Variants in CEP192 observed in about 807,000 individuals in gnomAD.
CEP192 encodes the protein centrosomal protein of 192 kDa.
Under a neutral mutation model 271.8 loss-of-function variants are expected in CEP192, and 151 were observed. The ratio of observed to expected loss-of-function variants is 0.56; its 90% confidence interval spans 0.49 to 0.64. The LOEUF is 0.64. CEP192 is among the 30% of genes least tolerant of loss of function. CEP192 has a pLI of 0.00. For synonymous variants in CEP192, 995 were observed against 1,076.5 expected (o/e 0.92, Z 1.48); for missense variants, 2,910 against 3,020.5 (o/e 0.96, Z 0.86).
chr18:13,089,441 A>C lies in CEP192; in HGVS notation c.5994-15A>C. Reference sequence around the variant, plus strand: ...ACGTCACTTTTAAATAATAAAAAAAAATCTCTCCTGGCAGGGCCCTGTTAC... The same window carrying C: ...ACGTCACTTTTAAATAATAAAAAAACATCTCTCCTGGCAGGGCCCTGTTAC... On this transcript the variant is annotated splice_polypyrimidine_tract_variant and intron_variant, in intron 32 of 44. Transcript: ENST00000506447. 7.5e-7 allele frequency: 1 copy of C among 1,332,232 alleles called. No individual in the cohort carries two copies. Among genetic ancestry groups the C allele is most frequent in the Non-Finnish European group, 1.0e-6 (1 of 959,440 alleles). 82.5% of individuals were successfully genotyped at this position (1,332,232 alleles called of 1,614,324 possible). A position where few individuals can be genotyped will look rare whatever the true frequency, so the allele number is the denominator to read the frequency against.
chr18:13,057,914 G>T, intron 20 of CEP192, 181 bp downstream of exon 20: 1 of 400,758 alleles, frequency 2.5e-6, no homozygotes, highest in Non-Finnish European at 4.3e-6. Flanking sequence ...AAGTGAAACA[G>T]TTTTGCATTT....
chr18:13,042,447 T>C (rs2036261379), intron 15 of CEP192, 113 bp downstream of exon 15: 1 of 1,119,490 alleles, frequency 8.9e-7, no homozygotes, highest in African/African-American at 1.6e-5. Flanking sequence ...TTTTCTTTCC[T>C]GGCTTCAGAT....
chr18:13,061,758 G>A (rs1458670179), intron 21 of CEP192, among the ~76,000 whole-genome samples: 2 of 152,058 alleles, frequency 1.3e-5, no homozygotes, highest in East Asian at 3.8e-4. Context: ...TTTGAGGGTG[G>A]GAAAGGCTGT....
chr18:13,064,656 G>C (rs1338634385), intron 21 of CEP192, among the ~76,000 whole-genome samples: 1 of 150,458 alleles, frequency 6.6e-6, no homozygotes, highest in East Asian at 2.0e-4. Context: ...GTGTGGATTT[G>C]TGTTTGGGTC....
chr18:13,103,725 C>G, intron 39 of CEP192, 137 bp downstream of exon 39: 1 of 757,944 alleles, frequency 1.3e-6, no homozygotes, highest in East Asian at 2.7e-5. Context: ...AAGTCTTGCT[C>G]TGTCGCCCAG....
At chr18:13,112,215 G>A (rs78494451) in intron 40 of CEP192, among the ~76,000 whole-genome samples, 3,098 of 152,288 alleles carry the variant, frequency 0.02, 40 homozygotes, top group Non-Finnish European at 0.03. Flanking sequence ...AAAAAAGTGG[G>A]AATCACCCAA....
At chr18:13,091,260 G>A (rs1006459234) in intron 33 of CEP192, among the ~76,000 whole-genome samples, 9 of 152,196 alleles carry the variant, frequency 5.9e-5, no homozygotes, top group African/African-American at 1.7e-4. Context: ...ATTGTATTAA[G>A]AGTTGTGTTG....
intron 1 of CEP192, among the ~76,000 whole-genome samples, chr18:12,998,930 G>T (rs9783859): frequency 0.7 from 107,070 of 152,014 alleles, 38,895 homozygotes; most frequent in African/African-American, 0.89. Context: ...ACTGAAAATT[G>T]TTCTTTGAAT....
At chr18:13,070,386 A>G (rs2037949023) in intron 27 of CEP192, among the ~76,000 whole-genome samples, 1 of 152,222 alleles carries the variant, frequency 6.6e-6, no homozygotes, top group Non-Finnish European at 1.5e-5. Flanking sequence ...ACTATTTTCA[A>G]GTATATTCTG....
intron 15 of CEP192, among the ~76,000 whole-genome samples, chr18:13,045,589 A>C (rs2036432982): frequency 6.6e-6 from 1 of 152,212 alleles, no homozygotes; most frequent in African/African-American, 2.4e-5. Context: ...CTGCATTCTT[A>C]AAATTATTGT....
At chr18:13,080,036 T>C (rs1383656891) in intron 30 of CEP192, among the ~76,000 whole-genome samples, 1 of 152,210 alleles carries the variant, frequency 6.6e-6, no homozygotes, top group Non-Finnish European at 1.5e-5. Flanking sequence ...TTGGTTACTG[T>C]AGGCTTGTAG....
chr18:13,096,370 G>C (rs2039400360), intron 36 of CEP192, 63 bp downstream of exon 36: 1 of 1,578,630 alleles, frequency 6.3e-7, no homozygotes. Flanking sequence ...ACTTTCTAAA[G>C]ATCAAATAAT....
chr18:13,092,549 C>G (rs1287635555), intron 34 of CEP192, 22 bp downstream of exon 34: 19 of 1,556,614 alleles, frequency 1.2e-5, no homozygotes, highest in Non-Finnish European at 1.7e-5. Context: ...GAACAGAAAT[C>G]TTTCACCAGA....
At chr18:13,034,624 G>A (rs2035814490) in intron 11 of CEP192, among the ~76,000 whole-genome samples, 1 of 151,508 alleles carries the variant, frequency 6.6e-6, no homozygotes, top group African/African-American at 2.4e-5. Context: ...TGGCTAACAT[G>A]GTGAAACCCT....
In CEP192 at chr18:13,042,313, G is replaced by A. The variant is rs754035664; in HGVS notation, c.2046G>A (p.Thr682=). Residue 682 remains threonine (T), a synonymous_variant, in exon 15 of 45, where the codon ACG becomes ACA. Transcript: ENST00000506447. The part of the protein sequence containing the change: ...SQVDENDVTL[T]ADKGKTEDTF... ...TGGATGAAAATGATGTGACGTTAAC[G>A]GCTGATAAAGGCAAAACAGAGGTAG... 7 of 1,613,818 alleles carry A rather than the reference G, an allele frequency of 4.3e-6. No homozygotes were observed. The highest frequency in any genetic ancestry group is 2.2e-5 in the East Asian group (1 of 44,870).
rs1313152126 is a variant in CEP192 at position 13,068,160 on chromosome 18, C to A, written c.4681C>A (p.Pro1561Thr). The change falls in exon 23 of 45, where the codon CCT becomes ACT. Residue 1561 changes from proline (P) to threonine (T), a missense_variant. Pro to Thr is a conservative substitution (Grantham distance 38, BLOSUM62 -1). Coordinates refer to ENST00000506447, the MANE Select transcript of CEP192 (RefSeq NM_032142.4). ...CGTCCGAGCTCCTGTGGAAGTTGCT[C>A]CTTGCGCTGATGTGGTCACTCGGCT... The part of the protein sequence containing the change: ...ESVRAPVEVA[P>T]CADVVTRLAG... 6.8e-6 allele frequency: 11 copies of A among 1,614,112 alleles called. No individual in the cohort carries two copies. The highest frequency in any genetic ancestry group is 9.3e-6 in the Non-Finnish European group (11 of 1,180,048).
Position 13,121,630 on chromosome 18 carries a change from T to G in CEP192, c.7476-3002T>G, listed in dbSNP as rs1428418087. On this transcript the variant is annotated intron_variant, in intron 44 of 44. Transcript: ENST00000506447. ...GTTCTGAGAGATCATCTCTTTCTTATATCTTTTTTAAAAGAATTTATGTTT... is the reference window on the plus strand; with the variant it reads ...GTTCTGAGAGATCATCTCTTTCTTAGATCTTTTTTAAAAGAATTTATGTTT... Among the ~76,000 whole-genome samples, 4 of 152,278 alleles carry G rather than the reference T, an allele frequency of 2.6e-5. No individual in the cohort carries two copies. In the East Asian group the frequency reaches 7.7e-4, roughly 29 times the overall value.
intron 3 of CEP192, among the ~76,000 whole-genome samples, chr18:13,007,989 A>G (rs974699533): frequency 7.9e-5 from 12 of 152,212 alleles, no homozygotes; most frequent in African/African-American, 2.2e-4. Flanking sequence ...ACTTTCATCC[A>G]CACAGAAAAC....
At chr18:13,091,186 G>C (rs528808961) in intron 33 of CEP192, among the ~76,000 whole-genome samples, 2 of 152,296 alleles carry the variant, frequency 1.3e-5, no homozygotes, top group East Asian at 3.9e-4. Flanking sequence ...GCAAGGTGAA[G>C]ATGAGACCAG....
Sources: allele counts gnomAD v4.1 joint callset (sites outside exome capture counted in the v4.1 genomes callset), GRCh38; gene constraint gnomAD v4.1.1; transcripts MANE v1.5; gene names NCBI Gene and HGNC (gene_info 2026-07-23, HGNC 2026-07-21).